Variants in ZNF10 observed in about 807,000 individuals in gnomAD.
ZNF10 encodes the protein zinc finger protein 10.
ZNF10 carries 8 observed loss-of-function variants against 12.2 expected under a neutral mutation model. The ratio of observed to expected loss-of-function variants is 0.66; its 90% CI spans 0.39 to 1.18. The LOEUF (loss-of-function observed/expected upper bound fraction) is 1.18. Among genes scored for constraint, ZNF10 ranks in the 50% most tolerant of loss-of-function variants. ZNF10 has a pLI of 0.01. For missense variants in ZNF10, 603 were observed against 678.9 expected, an observed-to-expected ratio of 0.89 and a Z score of 1.24; for synonymous variants, 229 against 228.2, an observed-to-expected ratio of 1.00 and a Z score of -0.03.
rs1177822699 is a variant in ZNF10, at chr12:133,157,716, T to C, written c.*748T>C. On this transcript the variant is annotated 3_prime_UTR_variant, in exon 5 of 5. Coordinates refer to ENST00000248211, the MANE Select transcript of ZNF10 (RefSeq NM_015394.5). ...TGTAAGAGGATATCTAGTTTCTCTATTCTACCATCAAAGAAGCTTTTGAGT... is the reference window on the plus strand; with the variant it reads ...TGTAAGAGGATATCTAGTTTCTCTACTCTACCATCAAAGAAGCTTTTGAGT... 1 of 152,240 alleles carries C rather than the reference T, an allele frequency of 6.6e-6. No homozygotes were observed. Among genetic ancestry groups the C allele is most frequent in the Non-Finnish European group, 1.5e-5 (1 of 68,038 alleles). The allele number at this position is 152,240 out of a possible 1,614,324, so 9.4% of individuals were successfully genotyped here.
chr12:133,148,661 A>C (rs2135462560), intron 2 of ZNF10, among the ~76,000 whole-genome samples: 1 of 151,456 alleles, frequency 6.6e-6, no homozygotes. Context: ...CAGCCACTCT[A>C]GCTTTTGTAT....
rs186562994 is a variant in ZNF10 at position 133,158,003 on chromosome 12, A to G, written c.*1035A>G. On this transcript the variant is annotated 3_prime_UTR_variant, in exon 5 of 5. Coordinates refer to ENST00000248211, the MANE Select transcript of ZNF10 (RefSeq NM_015394.5). ...CAGTCCAAAGATACCCTCTTTCTCA[A>G]GGTAGTCTTTTATCTTTATAAAGAA... 6.6e-6 allele frequency: 1 copy of G among 152,348 alleles called. No individual in the cohort carries two copies. The allele number at this position is 152,348 out of a possible 1,614,324, so 9.4% of individuals were successfully genotyped here.
At chr12:133,142,818 A>G (rs903803411) in intron 1 of ZNF10, among the ~76,000 whole-genome samples, 2 of 152,242 alleles carry the variant, frequency 1.3e-5, no homozygotes, top group African/African-American at 2.4e-5. Context: ...ACATAAAACC[A>G]TATGACCCAG....
chr12:133,143,861 GA>G (rs36008998), intron 1 of ZNF10: 91,448 of 151,982 alleles, frequency 0.6, 28,493 homozygotes, highest in African/African-American at 0.72. Flanking sequence ...AGGCCGTGGG[GA>G]AAAATTCACT....
intron 1 of ZNF10, among the ~76,000 whole-genome samples, chr12:133,134,823 G>C (rs2135456706): frequency 8.3e-6 from 1 of 120,372 alleles, no homozygotes; most frequent in Non-Finnish European, 1.8e-5. Flanking sequence ...TAGTCTTCTA[G>C]GAGATTTTAC....
At position 133,156,198 on chromosome 12, in the gene ZNF10, G is replaced by C. The variant is rs955286259; in HGVS notation, c.952G>C (p.Glu318Gln). ...TGGACATCAAAAGACCCATACTGGTGAGGAACCCTATGAATGTAAAGAATG... is the reference window on the plus strand; with the variant it reads ...TGGACATCAAAAGACCCATACTGGTCAGGAACCCTATGAATGTAAAGAATG... ...LIGHQKTHTG[E>Q]EPYECKECGK... Residue 318 changes from glutamate (E) to glutamine (Q), a missense_variant, in exon 5 of 5, where the codon GAG becomes CAG. By Grantham distance (29) the Glu-to-Gln change is conservative. Coordinates refer to ENST00000248211, the MANE Select transcript of ZNF10 (RefSeq NM_015394.5). The C allele has an allele frequency of 6.2e-7, 1 of 1,613,904 alleles. No homozygotes were observed. Among genetic ancestry groups the C allele is most frequent in the African/African-American group, 1.3e-5 (1 of 74,934 alleles).
In ZNF10 at chr12:133,155,544, A is replaced by C. The variant is rs1248780109; in HGVS notation, c.298A>C (p.Arg100=). 1.9e-6 allele frequency: 3 copies of C among 1,598,594 alleles called. No individual in the cohort carries two copies. Among genetic ancestry groups the C allele is most frequent in the Non-Finnish European group, 2.6e-6 (3 of 1,175,838 alleles). The change falls in exon 5 of 5, where the codon AGG becomes CGG. Residue 100 remains arginine (R), a synonymous_variant. Coordinates refer to ENST00000248211, the MANE Select transcript of ZNF10 (RefSeq NM_015394.5). ...TGAAATCAAATCATCAGTTTCCAGC[A>C]GGAGCATTTTTAAAGATAAGCAATC... is the stretch of plus-strand genomic sequence containing the variant. ...AFEIKSSVSS[R]SIFKDKQSCD...
intron 1 of ZNF10, among the ~76,000 whole-genome samples, chr12:133,140,438 T>TC (rs1431397990): frequency 6.9e-6 from 1 of 144,788 alleles, no homozygotes; most frequent in Non-Finnish European, 1.6e-5. Context: ...CTTTTTTTTT[T>TC]TTTTTTTTAA....
intron 2 of ZNF10, among the ~76,000 whole-genome samples, 198 bp from the exon 3 acceptor site, chr12:133,150,830 T>C (rs938135222): frequency 6.6e-5 from 10 of 152,212 alleles, no homozygotes; most frequent in Non-Finnish European, 1.2e-4. Flanking sequence ...AAACTTGTTT[T>C]CAGACAGTAG....
chr12:133,151,941 C>G (rs1279944005), intron 4 of ZNF10, 37 bp downstream of exon 4: 3 of 1,565,086 alleles, frequency 1.9e-6, no homozygotes, highest in Non-Finnish European at 2.6e-6. Context: ...GGCAGCAGCC[C>G]AGATGGGCTG....
At chr12:133,153,507 T>C (rs1458087265) in intron 4 of ZNF10, among the ~76,000 whole-genome samples, 2 of 152,138 alleles carry the variant, frequency 1.3e-5, no homozygotes, top group African/African-American at 4.8e-5. Flanking sequence ...CATTTGTAGG[T>C]TGAAAAACTT....
intron 1 of ZNF10, among the ~76,000 whole-genome samples, chr12:133,138,387 T>TAA (rs139776989): frequency 7.1e-6 from 1 of 140,376 alleles, no homozygotes; most frequent in Non-Finnish European, 1.5e-5. Flanking sequence ...AGACCCTGTC[T>TAA]AAAAAAAAAA....
At chr12:133,135,409 ACAT>A (rs63697562) in intron 1 of ZNF10, among the ~76,000 whole-genome samples, 8,051 of 152,186 alleles carry the variant, frequency 0.053, 708 homozygotes, top group African/African-American at 0.18. Flanking sequence ...ATAATGCTGG[ACAT>A]CATCAGGCAG....
At position 133,156,024 on chromosome 12, in the gene ZNF10, C is replaced by G. The variant is rs1956038508; in HGVS notation, c.778C>G (p.His260Asp). 6.2e-7 allele frequency: 1 copy of G among 1,613,784 alleles called. No individual in the cohort carries two copies. Among genetic ancestry groups the G allele is most frequent in the Non-Finnish European group, 8.5e-7 (1 of 1,180,022 alleles). Residue 260 changes from histidine to aspartate, a missense_variant, in exon 5 of 5, where the codon CAT (histidine) becomes GAT (aspartate). Transcript: ENST00000248211. ...GSSLGISKGI[H>D]REKPYECKEC... The stretch of plus-strand genomic sequence containing the variant: ...ATCTCTTGGTATATCAAAGGGCATA[C>G]ATAGAGAGAAACCCTATGAATGTAA...
intron 1 of ZNF10, among the ~76,000 whole-genome samples, chr12:133,142,327 T>C (rs370471039): frequency 4.7e-5 from 7 of 148,522 alleles, no homozygotes; most frequent in East Asian, 3.9e-4. Context: ...CAAGAATTGC[T>C]TGAACCTGGG....
At chr12:133,133,603 T>G (rs932257926) in intron 1 of ZNF10, among the ~76,000 whole-genome samples, 8 of 152,196 alleles carry the variant, frequency 5.3e-5, no homozygotes, top group Admixed American at 5.2e-4. Flanking sequence ...TGATCCTCTC[T>G]GAGATAGTGG....
intron 1 of ZNF10, among the ~76,000 whole-genome samples, chr12:133,142,410 CA>C (rs370374280): frequency 0.063 from 6,799 of 108,528 alleles, 181 homozygotes; most frequent in South Asian, 0.11. Flanking sequence ...ACTCCGTCTC[CA>C]AAAAAAAAAA....
chr12:133,132,994 A>T (rs922886097), intron 1 of ZNF10, among the ~76,000 whole-genome samples: 1 of 152,212 alleles, frequency 6.6e-6, no homozygotes, highest in Non-Finnish European at 1.5e-5. Flanking sequence ...GTAAATTGAC[A>T]TGGGTACGTA....
chr12:133,142,927 A>C (rs1404694078), intron 1 of ZNF10, among the ~76,000 whole-genome samples: 2 of 152,230 alleles, frequency 1.3e-5, no homozygotes, highest in African/African-American at 4.8e-5. Context: ...CATAATAACC[A>C]AAAGATGGAA....
Sources: allele counts gnomAD v4.1 joint callset (sites outside exome capture counted in the v4.1 genomes callset), GRCh38; gene constraint gnomAD v4.1.1; transcripts MANE v1.5; gene names NCBI Gene and HGNC (gene_info 2026-07-23, HGNC 2026-07-21).